Variants in SLC28A1 observed in about 807,000 individuals in gnomAD.
SLC28A1 encodes the protein sodium/nucleoside cotransporter 1.
SLC28A1 carries 64 observed loss-of-function variants against 74.8 expected under a neutral mutation model. The observed-to-expected ratio is 0.86, with a 90% confidence interval of 0.70 to 1.05. The LOEUF (loss-of-function observed/expected upper bound fraction) is 1.05. Among genes scored for constraint, SLC28A1 ranks in the 50% least tolerant of loss-of-function variants. The pLI is 0.00. For synonymous variants in SLC28A1, 359 were observed against 335.0 expected (o/e 1.07, Z -0.78); for missense variants, 828 against 822.8 (o/e 1.01, Z -0.08).
At chr15:84,969,534 C>G in the SLC28A1 span, among the ~76,000 whole-genome samples, 21 of 152,010 alleles carry the variant, frequency 1.4e-4, no homozygotes, top group South Asian at 2.7e-3. Context: ...ACCCTGCCCC[C>G]CGACTCGGAC....
At chr15:84,967,803 A>G in the SLC28A1 span, among the ~76,000 whole-genome samples, 2 of 152,182 alleles carry the variant, frequency 1.3e-5, no homozygotes, top group African/African-American at 2.4e-5. Context: ...TACTGGCTTC[A>G]GGTGCACCTG....
intron 12 of SLC28A1, among the ~76,000 whole-genome samples, chr15:84,928,596 T>C (rs1045430450): frequency 0.026 from 486 of 18,662 alleles, 9 homozygotes; most frequent in East Asian, 0.074. Context: ...CTTTCTTTCT[T>C]TCTTTCTTTT....
At position 84,922,588 on chromosome 15, in the gene SLC28A1, C is replaced by G. The variant is rs150355628; in HGVS notation, c.958-1397C>G. ...TCTCCTCCTACCTCTTCTTCCTTCC[C>G]GTACTATCCGTCCTTCACTCATACA... is the stretch of plus-strand genomic sequence containing the variant. On this transcript the variant is annotated intron_variant, in intron 11 of 18. Coordinates refer to ENST00000394573, the MANE Select transcript of SLC28A1 (RefSeq NM_004213.5). 2.5e-3 allele frequency among the ~76,000 whole-genome samples: 375 copies of G among 152,308 alleles called. 1 individual carries two copies. Among genetic ancestry groups the G allele is most frequent in the Non-Finnish European group, 2.4e-3 (166 of 68,028 alleles).
At chr15:84,897,246 T>C (rs1358969356) in intron 6 of SLC28A1, among the ~76,000 whole-genome samples, 1 of 139,574 alleles carries the variant, frequency 7.2e-6, no homozygotes, top group Admixed American at 7.2e-5. Context: ...AATGGCTGAG[T>C]GTGGTGGTAC....
At chr15:84,889,311 G>A (rs1964996907) in intron 4 of SLC28A1, among the ~76,000 whole-genome samples, 1 of 152,238 alleles carries the variant, frequency 6.6e-6, no homozygotes, top group Non-Finnish European at 1.5e-5. Context: ...GAGTGTCTGA[G>A]GTGAGCATAG....
At chr15:84,922,312 C>T (rs145050313) in intron 11 of SLC28A1, among the ~76,000 whole-genome samples, 5 of 152,302 alleles carry the variant, frequency 3.3e-5, no homozygotes, top group African/African-American at 9.6e-5. Flanking sequence ...CACATTAAGA[C>T]GCTAAGTCCA....
the SLC28A1 span, among the ~76,000 whole-genome samples, chr15:84,968,740 T>C: frequency 6.6e-6 from 1 of 152,272 alleles, no homozygotes; most frequent in Non-Finnish European, 1.5e-5. Context: ...GTTGCCTTCT[T>C]GTTAAGTGAT....
At chr15:84,934,432 C>T (rs145375086) in intron 13 of SLC28A1, among the ~76,000 whole-genome samples, 8 of 152,266 alleles carry the variant, frequency 5.3e-5, no homozygotes, top group East Asian at 1.9e-4. Context: ...CCTAACATCC[C>T]GTCATAGTCT....
rs147822699 is a variant in SLC28A1 at position 84,899,316 on chromosome 15, G to A, written c.461+4193G>A. Among the ~76,000 whole-genome samples the A allele has an allele frequency of 4.1e-3, 629 of 151,966 alleles. 10 individuals carry two copies. Among genetic ancestry groups the A allele is most frequent in the African/African-American group, 0.014 (600 of 41,418 alleles). Reference sequence around the variant, plus strand: ...ACTTCAGTGGCAAATATACACAATTGAAGTCTCCAGAGGAGAAGGAGGGCA... The same window carrying A: ...ACTTCAGTGGCAAATATACACAATTAAAGTCTCCAGAGGAGAAGGAGGGCA... On this transcript the variant is annotated intron_variant, in intron 6 of 18. Coordinates refer to ENST00000394573, the MANE Select transcript of SLC28A1 (RefSeq NM_004213.5).
At chr15:84,928,013 T>C (rs1264966442) in intron 12 of SLC28A1, among the ~76,000 whole-genome samples, 2 of 152,236 alleles carry the variant, frequency 1.3e-5, no homozygotes, top group Non-Finnish European at 2.9e-5. Context: ...GTGTTCCTCC[T>C]AGTCATTACT....
chr15:84,920,850 T>G (rs1969743651), intron 10 of SLC28A1, 139 bp from the exon 11 acceptor site: 1 of 742,812 alleles, frequency 1.3e-6, no homozygotes, highest in Non-Finnish European at 2.4e-6. Context: ...TGAATGGACC[T>G]TTTGGGAAAA....
chr15:84,916,251 T>C lies in SLC28A1; in HGVS notation c.796-2273T>C, dbSNP rs1969090541. Among the ~76,000 whole-genome samples the C allele has an allele frequency of 2.3e-5, 2 of 86,604 alleles. 1 individual carries two copies. Among genetic ancestry groups the C allele is most frequent in the Admixed American group, 2.1e-4 (2 of 9,374 alleles). 56.8% of individuals were successfully genotyped at this position (86,604 alleles called of 152,430 possible). A position where few individuals can be genotyped will look rare whatever the true frequency, so the allele number is the denominator to read the frequency against. ...AAGTGCTGGGATTACTTTTTTTTTT[T>C]TTTTTTCAAACATGGGGTCTTACTC... On this transcript the variant is annotated intron_variant, in intron 9 of 18. Coordinates refer to ENST00000394573, the MANE Select transcript of SLC28A1 (RefSeq NM_004213.5).
chr15:84,886,075 G>C (rs1376314385), intron 1 of SLC28A1: 3 of 905,924 alleles, frequency 3.3e-6, no homozygotes, highest in East Asian at 2.3e-4. Flanking sequence ...TTAATGTTTA[G>C]TGTGAGGACT....
intron 7 of SLC28A1, 98 bp from the exon 8 acceptor site, chr15:84,905,441 C>T (rs1441611746): frequency 2.4e-6 from 2 of 822,828 alleles, no homozygotes; most frequent in Non-Finnish European, 4.3e-6. Context: ...CCAGCCCCAT[C>T]CTCTGGGCAG....
At chr15:84,944,728 T>A in intron 17 of SLC28A1, 28 bp from the exon 18 acceptor site, 2 of 1,449,102 alleles carry the variant, frequency 1.4e-6, no homozygotes, top group Non-Finnish European at 1.8e-6. Context: ...CCGGGGGCCC[T>A]GCCCCACCCA....
the SLC28A1 span, among the ~76,000 whole-genome samples, chr15:84,958,118 T>C: frequency 6.6e-6 from 1 of 152,360 alleles, no homozygotes; most frequent in South Asian, 2.1e-4. Context: ...TTGCCCATTG[T>C]AGAAATATAC....
chr15:84,944,482 G>A (rs1973082003), intron 16 of SLC28A1, 84 bp from the exon 17 acceptor site: 4 of 880,168 alleles, frequency 4.5e-6, no homozygotes, highest in Non-Finnish European at 7.7e-6. Flanking sequence ...AGGAAGGGAG[G>A]TCAGCAGATG....
At chr15:84,914,339 AATTTGGTT>A (rs1968771311) in intron 9 of SLC28A1, among the ~76,000 whole-genome samples, 1 of 152,102 alleles carries the variant, frequency 6.6e-6, no homozygotes, top group Admixed American at 6.6e-5. Flanking sequence ...TCACCTAGGG[AATTTGGTT>A]TCAATATATG....
At chr15:84,916,240 C>CAGGCATGAACCACCATGCTGGGCCTTT in intron 9 of SLC28A1, among the ~76,000 whole-genome samples, 1 of 98,410 alleles carries the variant, frequency 1.0e-5, no homozygotes, top group South Asian at 4.3e-4. Flanking sequence ...GCTGGGATTA[C>CAGGCATGAACCACCATGCTGGGCCTTT]TTTTTTTTTT....
Sources: allele counts gnomAD v4.1 joint callset (sites outside exome capture counted in the v4.1 genomes callset), GRCh38; gene constraint gnomAD v4.1.1; transcripts MANE v1.5; gene names NCBI Gene and HGNC (gene_info 2026-07-23, HGNC 2026-07-21).